ITGBL1: variants seen among roughly 807,000 people sequenced by gnomAD.
ITGBL1 encodes integrin beta-like protein 1.
Under a neutral mutation model 68.5 loss-of-function variants are expected in ITGBL1, and 51 were observed. That is an observed-to-expected ratio of 0.74 (90% confidence interval 0.59 to 0.94). The LOEUF is 0.94. ITGBL1 is among the 40% of genes least tolerant of loss of function. The pLI is 0.00. For synonymous variants in ITGBL1, 209 were observed against 227.3 expected (o/e 0.92, Z 0.72); for missense variants, 649 against 647.4 (o/e 1.00, Z -0.03).
chr13:101,646,583 A>G (rs1009745065), intron 7 of ITGBL1, among the ~76,000 whole-genome samples: 4 of 152,146 alleles, frequency 2.6e-5, no homozygotes, highest in African/African-American at 9.7e-5. Context: ...TTAAACATCT[A>G]TACCCCTTTC....
chr13:101,647,488 C>CA (rs1201962221), intron 7 of ITGBL1, among the ~76,000 whole-genome samples: 10 of 150,702 alleles, frequency 6.6e-5, no homozygotes, highest in Non-Finnish European at 8.9e-5. Flanking sequence ...AAAATACCAA[C>CA]AAAAAAAAAT....
chr13:101,567,501 G>A (rs550738481), intron 2 of ITGBL1, among the ~76,000 whole-genome samples, 198 bp from the exon 3 acceptor site: 3 of 151,908 alleles, frequency 2.0e-5, no homozygotes, highest in South Asian at 2.1e-4. Context: ...ATAATTTATC[G>A]GTTGACTATT....
rs1189071678 is a variant in ITGBL1 at position 101,464,664 on chromosome 13, A to AAT, written c.316+10572_316+10573dup. Among the ~76,000 whole-genome samples, 3 of 152,266 alleles carry AAT rather than the reference A, an allele frequency of 2.0e-5. No individual in the cohort carries two copies. The East Asian group carries it at 5.8e-4, about 29-fold the overall frequency. On this transcript the variant is annotated intron_variant, in intron 2 of 10. Transcript: ENST00000376180. ...ATATTTTGATTGCCTGTACAAACAT[A>AAT]ATATATATACACATATTTATATATG...
chr13:101,699,442 G>A (rs979962428), intron 8 of ITGBL1, among the ~76,000 whole-genome samples: 1 of 152,106 alleles, frequency 6.6e-6, no homozygotes, highest in Non-Finnish European at 1.5e-5. Context: ...GTCGTGGGAG[G>A]GACCAAGTGG....
intron 2 of ITGBL1, among the ~76,000 whole-genome samples, chr13:101,544,522 G>A (rs940611098): frequency 6.6e-6 from 1 of 152,208 alleles, no homozygotes; most frequent in East Asian, 1.9e-4. Flanking sequence ...TGAGGAGGCA[G>A]TCTGTCTGTT....
Position 101,598,135 on chromosome 13 carries a change from G to T in ITGBL1, c.869-18G>T. ...ATCTTTATGTACATTTTTATTTTTT[G>T]CCACTCTCACTGTGAAGGTCATGGA... On this transcript the variant is annotated intron_variant, in intron 6 of 10. Coordinates refer to ENST00000376180, the MANE Select transcript of ITGBL1 (RefSeq NM_004791.3). 1.3e-6 allele frequency: 2 copies of T among 1,572,416 alleles called. No homozygotes were observed. The highest frequency in any genetic ancestry group is 2.4e-5 in the South Asian group (2 of 84,488).
In ITGBL1 at chr13:101,587,336, T is replaced by C. The variant is rs537833439; in HGVS notation, c.868+3980T>C. Among the ~76,000 whole-genome samples, 20 of 152,328 alleles carry C rather than the reference T, an allele frequency of 1.3e-4. No homozygotes were observed. In the South Asian group the frequency reaches 4.1e-3, roughly 32 times the overall value. ...TGTCTGTTGTTCATCATCCACAAAA[T>C]ATGTGTGTTTGTGTATGTTCATTTG... On this transcript the variant is annotated intron_variant, in intron 6 of 10. Coordinates refer to ENST00000376180, the MANE Select transcript of ITGBL1 (RefSeq NM_004791.3).
At chr13:101,571,674 CTTTT>C (rs1198528827) in intron 3 of ITGBL1, among the ~76,000 whole-genome samples, 1 of 152,016 alleles carries the variant, frequency 6.6e-6, no homozygotes, top group Non-Finnish European at 1.5e-5. Flanking sequence ...GCATGTATTT[CTTTT>C]TGTGTAAAGA....
intron 7 of ITGBL1, among the ~76,000 whole-genome samples, chr13:101,662,733 G>T (rs2033118924): frequency 6.6e-6 from 1 of 151,822 alleles, no homozygotes; most frequent in Non-Finnish European, 1.5e-5. Context: ...TCACCGTTCA[G>T]TTTTTCTCGG....
At chr13:101,561,164 T>C (rs1368358599) in intron 2 of ITGBL1, among the ~76,000 whole-genome samples, 1 of 152,104 alleles carries the variant, frequency 6.6e-6, no homozygotes, top group Non-Finnish European at 1.5e-5. Flanking sequence ...TATGCCCTCG[T>C]GAATGAGCAT....
At chr13:101,510,765 A>G (rs746238061) in intron 2 of ITGBL1, among the ~76,000 whole-genome samples, 1 of 150,708 alleles carries the variant, frequency 6.6e-6, no homozygotes, top group Non-Finnish European at 1.5e-5. Flanking sequence ...GCATTTTTTC[A>G]TATGTTTGTT....
At chr13:101,659,166 T>G (rs2033016809) in intron 7 of ITGBL1, among the ~76,000 whole-genome samples, 1 of 150,952 alleles carries the variant, frequency 6.6e-6, no homozygotes, top group African/African-American at 2.4e-5. Context: ...TTCAAGGGAT[T>G]CCCCTGCCTC....
intron 8 of ITGBL1, among the ~76,000 whole-genome samples, chr13:101,706,530 T>C (rs978481220): frequency 2.0e-5 from 3 of 152,236 alleles, no homozygotes; most frequent in Admixed American, 1.3e-4. Flanking sequence ...TTGCAAGATT[T>C]CTTTCTCTCA....
chr13:101,501,425 G>A (rs917111998), intron 2 of ITGBL1, among the ~76,000 whole-genome samples: 1 of 152,264 alleles, frequency 6.6e-6, no homozygotes, highest in East Asian at 1.9e-4. Flanking sequence ...GGGAGTCCTG[G>A]CATGCAGTGC....
At chr13:101,603,017 A>G (rs952959162) in intron 7 of ITGBL1, among the ~76,000 whole-genome samples, 3 of 151,986 alleles carry the variant, frequency 2.0e-5, no homozygotes, top group African/African-American at 7.2e-5. Flanking sequence ...TTTGGTCGTT[A>G]TGAATAATGC....
chr13:101,515,793 A>G (rs746940955), intron 2 of ITGBL1, among the ~76,000 whole-genome samples: 1 of 152,160 alleles, frequency 6.6e-6, no homozygotes, highest in African/African-American at 2.4e-5. Flanking sequence ...CATCAGATTG[A>G]TCTTCTCTGC....
intron 7 of ITGBL1, among the ~76,000 whole-genome samples, chr13:101,647,931 G>A (rs898164672): frequency 8.5e-5 from 13 of 152,110 alleles, no homozygotes; most frequent in African/African-American, 2.4e-4. Flanking sequence ...GGTGTGCTTG[G>A]AAAACAAATA....
At chr13:101,500,258 T>C (rs1337289650) in intron 2 of ITGBL1, among the ~76,000 whole-genome samples, 1 of 152,208 alleles carries the variant, frequency 6.6e-6, no homozygotes, top group Non-Finnish European at 1.5e-5. Context: ...TTTTCTTGAA[T>C]AGTTATGAGT....
At chr13:101,582,485 G>T (rs2050475348) in intron 5 of ITGBL1, among the ~76,000 whole-genome samples, 2 of 152,138 alleles carry the variant, frequency 1.3e-5, no homozygotes. Flanking sequence ...AATCCACACA[G>T]AGTAAACATG....
Sources: gnomAD v4.1 joint callset for allele counts (sites outside exome capture counted in the v4.1 genomes callset) on GRCh38, gnomAD v4.1.1 for gene constraint, MANE v1.5 for transcripts, NCBI Gene and HGNC (gene_info 2026-07-23, HGNC 2026-07-21) for gene names.